KIAA1217: variants seen among roughly 807,000 people sequenced by gnomAD.
KIAA1217 encodes KIAA1217.
KIAA1217 carries 88 observed loss-of-function variants against 163.9 expected under a neutral mutation model. The ratio of observed to expected loss-of-function variants is 0.54; its 90% CI spans 0.45 to 0.64. The LOEUF (loss-of-function observed/expected upper bound fraction) is 0.64. Among genes scored for constraint, KIAA1217 ranks in the 30% least tolerant of loss-of-function variants. The pLI is 0.00. For synonymous variants in KIAA1217, 903 were observed against 923.1 expected (o/e 0.98, Z 0.39); for missense variants, 2,372 against 2,475.0 (o/e 0.96, Z 0.88).
At chr10:23,764,991 TAA>T (rs779014977) in intron 1 of KIAA1217, among the ~76,000 whole-genome samples, 19 of 152,074 alleles carry the variant, frequency 1.2e-4, no homozygotes, top group Non-Finnish European at 2.6e-4. Flanking sequence ...AATTGATAAA[TAA>T]AAGAGTTTTA....
chr10:24,402,516 CAAAAAACAAAACAA>C (rs1298592627), intron 3 of KIAA1217, among the ~76,000 whole-genome samples: 3 of 92,988 alleles, frequency 3.2e-5, no homozygotes, highest in African/African-American at 1.3e-4. Context: ...CTCAAAAAAA[CAAAAAACAAAACAA>C]AAAAAAAAAA....
chr10:23,775,660 G>A (rs900377819), intron 1 of KIAA1217, among the ~76,000 whole-genome samples: 1 of 152,162 alleles, frequency 6.6e-6, no homozygotes, highest in African/African-American at 2.4e-5. Context: ...AAATAGTTGA[G>A]TTAATTCAAG....
intron 2 of KIAA1217, among the ~76,000 whole-genome samples, chr10:24,053,466 C>T (rs1024298300): frequency 6.6e-6 from 1 of 151,992 alleles, no homozygotes; most frequent in Admixed American, 6.6e-5. Flanking sequence ...TTAACATACT[C>T]ATTAGTTTGG....
chr10:23,902,947 G>C (rs1393406942), intron 1 of KIAA1217, among the ~76,000 whole-genome samples: 1 of 151,826 alleles, frequency 6.6e-6, no homozygotes, highest in African/African-American at 2.4e-5. Flanking sequence ...GAGGGAAGGG[G>C]GATTCTTAAT....
chr10:24,360,690 C>G (rs1463189524), intron 2 of KIAA1217, among the ~76,000 whole-genome samples: 2 of 152,182 alleles, frequency 1.3e-5, no homozygotes, highest in Non-Finnish European at 2.9e-5. Context: ...CTGTATCATA[C>G]TCGCTAGGTT....
At chr10:24,296,206 C>A (rs1356602775) in intron 2 of KIAA1217, among the ~76,000 whole-genome samples, 1 of 152,094 alleles carries the variant, frequency 6.6e-6, no homozygotes, top group Non-Finnish European at 1.5e-5. Context: ...TGGGCTCAAG[C>A]GATCTTCTCC....
At chr10:24,184,739 CA>C (rs1564801727) in intron 2 of KIAA1217, among the ~76,000 whole-genome samples, 1 of 152,306 alleles carries the variant, frequency 6.6e-6, no homozygotes. Flanking sequence ...GTATTCAATT[CA>C]AAACCAGGAG....
intron 2 of KIAA1217, among the ~76,000 whole-genome samples, chr10:24,084,944 C>T (rs575768976): frequency 1.4e-5 from 2 of 140,296 alleles, no homozygotes; most frequent in Non-Finnish European, 1.5e-5. Context: ...GACGGAGTCT[C>T]GCTCTGTCGC....
intron 2 of KIAA1217, among the ~76,000 whole-genome samples, chr10:24,127,781 C>T (rs142160685): frequency 6.6e-5 from 10 of 152,218 alleles, no homozygotes; most frequent in Admixed American, 2.0e-4. Flanking sequence ...TGTAAGTTAT[C>T]GAATATTGTA....
chr10:24,463,975 G>C (rs2062689577), intron 5 of KIAA1217, among the ~76,000 whole-genome samples: 1 of 152,168 alleles, frequency 6.6e-6, no homozygotes, highest in Admixed American at 6.5e-5. Context: ...AAAGCGTGGG[G>C]GTGTTAGTGG....
intron 2 of KIAA1217, among the ~76,000 whole-genome samples, chr10:24,110,205 G>A (rs1421775703): frequency 3.9e-5 from 6 of 152,068 alleles, no homozygotes; most frequent in Non-Finnish European, 7.4e-5. Context: ...GTCTTCGTCC[G>A]AAGACAAACT....
chr10:23,959,373 A>C (rs927404172), intron 1 of KIAA1217, among the ~76,000 whole-genome samples: 1 of 152,126 alleles, frequency 6.6e-6, no homozygotes, highest in African/African-American at 2.4e-5. Context: ...CAGTTTAAAA[A>C]TTAGCCAGGC....
intron 2 of KIAA1217, among the ~76,000 whole-genome samples, chr10:24,141,525 A>G (rs1240052563): frequency 2.6e-5 from 4 of 152,176 alleles, no homozygotes; most frequent in Admixed American, 2.0e-4. Context: ...TAGGAAGGCA[A>G]TCACTTAAAG....
At chr10:24,536,521 G>A (rs1408822318) in intron 16 of KIAA1217, among the ~76,000 whole-genome samples, 1 of 152,182 alleles carries the variant, frequency 6.6e-6, no homozygotes, top group Non-Finnish European at 1.5e-5. Context: ...GGCAGAAAAG[G>A]TAGTAATGTC....
At chr10:24,241,627 G>A (rs2073115200) in intron 2 of KIAA1217, among the ~76,000 whole-genome samples, 2 of 152,178 alleles carry the variant, frequency 1.3e-5, no homozygotes, top group Admixed American at 6.5e-5. Flanking sequence ...GAGCCTAGGA[G>A]TCGAATATAC....
intron 1 of KIAA1217, among the ~76,000 whole-genome samples, chr10:23,738,585 T>A (rs1417172361): frequency 6.6e-6 from 1 of 152,104 alleles, no homozygotes; most frequent in Admixed American, 6.5e-5. Flanking sequence ...TTTTTTCATA[T>A]TGGGTTCAAA....
intron 2 of KIAA1217, among the ~76,000 whole-genome samples, chr10:24,328,582 T>G (rs1377352166): frequency 2.0e-5 from 3 of 152,098 alleles, no homozygotes; most frequent in Non-Finnish European, 2.9e-5. Context: ...TTAACAGAGT[T>G]GATGATGTAT....
chr10:24,367,581 C>T (rs1473915615), intron 2 of KIAA1217, among the ~76,000 whole-genome samples: 1 of 152,196 alleles, frequency 6.6e-6, no homozygotes, highest in Non-Finnish European at 1.5e-5. Context: ...CAGCAGAATA[C>T]TCATGGCAGT....
intron 1 of KIAA1217, among the ~76,000 whole-genome samples, chr10:23,998,554 A>G (rs966999867): frequency 1.3e-5 from 2 of 152,252 alleles, no homozygotes; most frequent in African/African-American, 4.8e-5. Context: ...GCCAGAGGAC[A>G]CTGTGTACTT....
Sources: gnomAD v4.1 joint callset for allele counts (sites outside exome capture counted in the v4.1 genomes callset) on GRCh38, gnomAD v4.1.1 for gene constraint, MANE v1.5 for transcripts, NCBI Gene and HGNC (gene_info 2026-07-23, HGNC 2026-07-21) for gene names.